PAPPA2: variants seen among roughly 807,000 people sequenced by gnomAD.
The protein encoded by PAPPA2 is pappalysin-2.
Under a neutral mutation model 176.4 loss-of-function variants are expected in PAPPA2, and 86 were observed. The ratio of observed to expected loss-of-function variants is 0.49; its 90% confidence interval spans 0.41 to 0.58. The LOEUF is 0.58. Among genes scored for constraint, PAPPA2 ranks in the 20% least tolerant of loss-of-function variants. The probability of loss-of-function intolerance (pLI) is 0.00; values close to 1 mark genes in which losing one functional copy is unlikely to be tolerated. For missense variants in PAPPA2, 2,073 were observed against 2,256.9 expected (o/e 0.92, Z 1.65); for synonymous variants, 809 against 852.2 (o/e 0.95, Z 0.88).
At chr1:176,768,624 G>T (rs572980520) in intron 15 of PAPPA2, among the ~76,000 whole-genome samples, 1 of 151,600 alleles carries the variant, frequency 6.6e-6, no homozygotes, top group Non-Finnish European at 1.5e-5. Context: ...TTTTTGAACC[G>T]TTGTTTCAAC....
chr1:176,505,157 C>A (rs1200093977), intron 1 of PAPPA2, among the ~76,000 whole-genome samples: 1 of 152,050 alleles, frequency 6.6e-6, no homozygotes, highest in African/African-American at 2.4e-5. Context: ...TGACAAAAAA[C>A]CCGTTAATAA....
intron 21 of PAPPA2, among the ~76,000 whole-genome samples, chr1:176,838,577 A>C (rs1166315737): frequency 2.6e-5 from 4 of 152,218 alleles, no homozygotes; most frequent in Admixed American, 2.0e-4. Context: ...GAGCATCTAT[A>C]GGTGTTAAGG....
intron 1 of PAPPA2, among the ~76,000 whole-genome samples, chr1:176,489,601 A>G (rs1446619131): frequency 6.6e-6 from 1 of 152,186 alleles, no homozygotes; most frequent in Non-Finnish European, 1.5e-5. Context: ...CTTTCTGACT[A>G]TATAATCCTC....
At chr1:176,764,473 G>A (rs935075897) in intron 14 of PAPPA2, among the ~76,000 whole-genome samples, 7 of 152,132 alleles carry the variant, frequency 4.6e-5, no homozygotes, top group African/African-American at 1.2e-4. Flanking sequence ...AATCCAAATC[G>A]CACAGATGTT....
intron 1 of PAPPA2, among the ~76,000 whole-genome samples, chr1:176,465,396 A>G (rs544177879): frequency 3.9e-5 from 6 of 152,178 alleles, no homozygotes; most frequent in Non-Finnish European, 5.9e-5. Flanking sequence ...GTCTCCCTAT[A>G]CTGGCTATTT....
At chr1:176,666,577 GT>G (rs1658656325) in intron 3 of PAPPA2, among the ~76,000 whole-genome samples, 1 of 146,492 alleles carries the variant, frequency 6.8e-6, no homozygotes, top group Non-Finnish European at 1.5e-5. Flanking sequence ...GTGTGTGTGT[GT>G]GTGTGTGTGT....
At chr1:176,771,324 A>C in intron 17 of PAPPA2, 144 bp downstream of exon 17, 1 of 733,186 alleles carries the variant, frequency 1.4e-6, no homozygotes, top group African/African-American at 1.8e-5. Flanking sequence ...CTGTAAATAT[A>C]TTCTCTCCAA....
rs558997851 is a variant in PAPPA2, at chr1:176,488,780, C to A, written c.-917+25362C>A. ...CGCAAAGGTTTGGTTCCTCTCTCCC[C>A]CACTTCCTCCTTGTTCTCTTTTTGC... On this transcript the variant is annotated intron_variant, in intron 1 of 22. Transcript: ENST00000367662. 4.9e-4 allele frequency among the ~76,000 whole-genome samples: 74 copies of A among 152,236 alleles called. No homozygotes were observed. In the South Asian group the frequency reaches 0.015, roughly 31 times the overall value.
chr1:176,498,766 A>AAAAAAAAAAAAAAAAAAAAAAAG (rs1558403308), intron 1 of PAPPA2, among the ~76,000 whole-genome samples: 1 of 151,392 alleles, frequency 6.6e-6, no homozygotes, highest in East Asian at 1.9e-4. Flanking sequence ...AAAAAAAAAA[A>AAAAAAAAAAAAAAAAAAAAAAAG]GAAGAAGAAA....
chr1:176,787,805 A>G (rs530283129), intron 17 of PAPPA2, among the ~76,000 whole-genome samples: 1 of 152,272 alleles, frequency 6.6e-6, no homozygotes, highest in Admixed American at 6.5e-5. Context: ...TCACGCCTCT[A>G]ATCCCAGCAC....
intron 1 of PAPPA2, among the ~76,000 whole-genome samples, chr1:176,493,153 T>C (rs1290196921): frequency 2.0e-5 from 3 of 152,150 alleles, no homozygotes; most frequent in African/African-American, 7.2e-5. Context: ...CATGATATGG[T>C]GGAGTGTGGA....
At chr1:176,466,418 G>A (rs1021824149) in intron 1 of PAPPA2, among the ~76,000 whole-genome samples, 2 of 152,092 alleles carry the variant, frequency 1.3e-5, no homozygotes, top group African/African-American at 4.8e-5. Flanking sequence ...TCTAATTTAT[G>A]AGTAGTTACC....
chr1:176,588,101 T>C (rs906344791), intron 2 of PAPPA2, among the ~76,000 whole-genome samples: 1 of 152,216 alleles, frequency 6.6e-6, no homozygotes, highest in South Asian at 2.1e-4. Flanking sequence ...CAGTGGTTTG[T>C]AGTTCTTCTT....
chr1:176,825,700 T>A (rs1666833411), intron 21 of PAPPA2, among the ~76,000 whole-genome samples: 1 of 152,208 alleles, frequency 6.6e-6, no homozygotes, highest in Admixed American at 6.5e-5. Context: ...GCAGATAACT[T>A]TGATTATTGT....
intron 19 of PAPPA2, 48 bp downstream of exon 19, chr1:176,791,530 A>G (rs781689228): frequency 1.3e-6 from 2 of 1,567,474 alleles, no homozygotes; most frequent in East Asian, 2.3e-5. Context: ...TCATTCTTTT[A>G]TTAAGCACAG....
At chr1:176,824,554 C>A (rs1247314624) in intron 21 of PAPPA2, among the ~76,000 whole-genome samples, 3 of 152,024 alleles carry the variant, frequency 2.0e-5, no homozygotes, top group Non-Finnish European at 4.4e-5. Context: ...ATTAGAGAAA[C>A]CAAGTAGTAA....
At chr1:176,594,499 C>G in intron 2 of PAPPA2, 25 bp from the exon 3 acceptor site, 1 of 1,583,156 alleles carries the variant, frequency 6.3e-7, no homozygotes, top group Non-Finnish European at 8.6e-7. Flanking sequence ...TCTGTCTCTT[C>G]CCTCGATTCT....
intron 21 of PAPPA2, among the ~76,000 whole-genome samples, chr1:176,804,118 T>C (rs1048221948): frequency 1.3e-5 from 2 of 152,246 alleles, no homozygotes; most frequent in African/African-American, 2.4e-5. Flanking sequence ...TGAGTTATTA[T>C]AGGCAGTGAG....
intron 3 of PAPPA2, among the ~76,000 whole-genome samples, chr1:176,596,047 G>A (rs905200197): frequency 6.6e-6 from 1 of 152,232 alleles, no homozygotes; most frequent in East Asian, 1.9e-4. Context: ...GTGAAAATGT[G>A]TTAGGTCTAT....
Sources: gnomAD v4.1 joint callset for allele counts (sites outside exome capture counted in the v4.1 genomes callset) on GRCh38, gnomAD v4.1.1 for gene constraint, MANE v1.5 for transcripts, NCBI Gene and HGNC (gene_info 2026-07-23, HGNC 2026-07-21) for gene names.